The following CD70 variants were observed in gnomAD, a reference collection of about 807,000 sequenced individuals.
CD70 encodes the protein CD70 molecule, also known as CD70 antigen.
A neutral mutation model predicts 9.0 loss-of-function variants in CD70; 6 were observed. That is an observed-to-expected ratio of 0.67 (90% CI 0.37 to 1.32). The LOEUF is 1.32. CD70 is among the 40% of genes most tolerant of loss of function. The probability of loss-of-function intolerance (pLI) is 0.02; values close to 1 mark genes in which losing one functional copy is unlikely to be tolerated. For synonymous variants in CD70, 108 were observed against 112.3 expected, an observed-to-expected ratio of 0.96 and a Z score of 0.24; for missense variants, 235 against 258.7, an observed-to-expected ratio of 0.91 and a Z score of 0.63.
chr19:6,586,362 T>G lies in CD70; in HGVS notation c.240A>C (p.Ala80=), dbSNP rs1173152171. 1 of 1,612,600 alleles carries G rather than the reference T, an allele frequency of 6.2e-7. No individual in the cohort carries two copies. Among genetic ancestry groups the G allele is most frequent in the Non-Finnish European group, 8.5e-7 (1 of 1,179,788 alleles). Residue 80 remains alanine, a synonymous_variant, in exon 3 of 3, where the codon GCA becomes GCC. Transcript: ENST00000245903. ...DPRLYWQGGP[A]LGRSFLHGPE... is the part of the protein sequence containing the mutation. ...GTCCATGCAGGAAGGAGCGGCCCAG[T>G]GCTGGGCCCCCCTGCCAGTATAGCC...
chr19:6,583,419 A>G (rs1237705740), downstream of CD70: 4 of 694,018 alleles, frequency 5.8e-6, no homozygotes, highest in Non-Finnish European at 1.1e-5. Context: ...TGTGCAGTCC[A>G]TATTAAATGC....
At chr19:6,582,497 C>T (rs1374123846), downstream of CD70, among the ~76,000 whole-genome samples, 1 of 150,236 alleles carries the variant, frequency 6.7e-6, no homozygotes, top group African/African-American at 2.5e-5. Flanking sequence ...TAATGCTATC[C>T]CTCCCCCCCT....
Position 6,591,090 on chromosome 19 carries a change from T to A in CD70, c.-88A>T. ...AGGAAGGAAGGAAACTGCAGCCCCC[T>A]CCCGGGGCTCCTGGGCGTCTACTTG... On this transcript the variant is annotated 5_prime_UTR_variant, in exon 1 of 3. Transcript: ENST00000245903. 1 of 1,355,100 alleles carries A rather than the reference T, an allele frequency of 7.4e-7. No individual in the cohort carries two copies. The highest frequency in any genetic ancestry group is 9.8e-7 in the Non-Finnish European group (1 of 1,016,958). The allele number at this position is 1,355,100 out of a possible 1,614,324, so 83.9% of individuals were successfully genotyped here.
chr19:6,582,455 A>G (rs1915936956), downstream of CD70, among the ~76,000 whole-genome samples: 1 of 149,884 alleles, frequency 6.7e-6, no homozygotes, highest in Non-Finnish European at 1.5e-5. Flanking sequence ...TACTGCACCC[A>G]TTAATTTGTC....
downstream of CD70, among the ~76,000 whole-genome samples, chr19:6,582,256 G>A (rs71225428): frequency 0.34 from 51,229 of 149,856 alleles, 10,166 homozygotes; most frequent in Non-Finnish European, 0.45. Flanking sequence ...GGCTGGTCTC[G>A]AACTCTTCAG....
chr19:6,582,653 G>A (rs1383735727), downstream of CD70, among the ~76,000 whole-genome samples: 1 of 151,992 alleles, frequency 6.6e-6, no homozygotes, highest in Non-Finnish European at 1.5e-5. Flanking sequence ...TCAGAATGAT[G>A]GTTTCCAGCT....
intron 2 of CD70, among the ~76,000 whole-genome samples, chr19:6,587,264 G>A (rs1009127000): frequency 6.7e-6 from 1 of 149,118 alleles, no homozygotes; most frequent in Non-Finnish European, 1.5e-5. Flanking sequence ...GTGCACGAGA[G>A]AGTGAGAGAG....
In CD70 at chr19:6,586,087, G is replaced by T. The variant is rs1916008359; in HGVS notation, c.515C>A (p.Thr172Asn). 3 of 1,614,120 alleles carry T rather than the reference G, an allele frequency of 1.9e-6. No individual in the cohort carries two copies. Among genetic ancestry groups the T allele is most frequent in the Non-Finnish European group, 2.5e-6 (3 of 1,179,952 alleles). Residue 172 changes from threonine (T) to asparagine (N), a missense_variant, in exon 3 of 3, where the codon ACT becomes AAT. By Grantham distance (65) the Thr-to-Asn change is moderately conservative. Transcript: ENST00000245903. The stretch of plus-strand genomic sequence containing the variant: ...GTTTCGGGAAGGCAAAAGTGTCCCA[G>T]TGAGGTTGGTGCAGAGTGTGTCCCC... ...ARGDTLCTNL[T>N]GTLLPSRNTD...
At chr19:6,584,751 A>G (rs969545360), downstream of CD70, among the ~76,000 whole-genome samples, 1 of 149,332 alleles carries the variant, frequency 6.7e-6, no homozygotes, top group African/African-American at 2.5e-5. Context: ...TGGCGGTCCT[A>G]GCTATTTGGG....
chr19:6,591,037 GC>G lies in CD70; in HGVS notation c.-36del, dbSNP rs1489641463. ...GATCACCTCCGCTAGCGCAGGAGGG[GC>G]GATGGGGGCGCGGAGCGCTGCCGAG... On this transcript the variant is annotated 5_prime_UTR_variant, in exon 1 of 3. Coordinates refer to ENST00000245903, the MANE Select transcript of CD70 (RefSeq NM_001252.5). The G allele has an allele frequency of 6.4e-7, 1 of 1,554,976 alleles. No homozygotes were observed. Among genetic ancestry groups the G allele is most frequent in the African/African-American group, 1.4e-5 (1 of 72,760 alleles).
At chr19:6,582,238 A>C (rs1241314202), downstream of CD70, among the ~76,000 whole-genome samples, 1 of 149,872 alleles carries the variant, frequency 6.7e-6, no homozygotes, top group African/African-American at 2.5e-5. Flanking sequence ...GTTTCACCAT[A>C]TTGCCCAGGC....
Position 6,590,015 on chromosome 19 carries a change from C to A in CD70, c.196+88G>T. The A allele has an allele frequency of 9.5e-7, 1 of 1,051,542 alleles. No individual in the cohort carries two copies. Among genetic ancestry groups the A allele is most frequent in the South Asian group, 1.3e-5 (1 of 74,436 alleles). The allele number at this position is 1,051,542 out of a possible 1,614,324, so 65.1% of individuals were successfully genotyped here. On this transcript the variant is annotated intron_variant, in intron 2 of 2. Coordinates refer to ENST00000245903, the MANE Select transcript of CD70 (RefSeq NM_001252.5). The surrounding 1 kb of genome is among the most constrained non-coding windows in gnomAD (Gnocchi z 5.3). ...CGTCTCTGTCTGTGTCTCTTTCTCT[C>A]TGTCTCTCCCCACTTGTCTTTCTAC...
rs374195856 is a variant in CD70, at chr19:6,586,066, C to T, written c.536G>A (p.Arg179Gln). 61 of 1,613,914 alleles carry T rather than the reference C, an allele frequency of 3.8e-5. No homozygotes were observed. In the South Asian group the frequency reaches 4.6e-4, roughly 12 times the overall value. Reference protein sequence around the residue: ...TNLTGTLLPSRNTDETFFGVQ... With the variant: ...TNLTGTLLPSQNTDETFFGVQ... ...TCCAAAGAAGGTCTCATCAGTGTTTCGGGAAGGCAAAAGTGTCCCAGTGAG... is the reference window on the plus strand; with the variant it reads ...TCCAAAGAAGGTCTCATCAGTGTTTTGGGAAGGCAAAAGTGTCCCAGTGAG... The change falls in exon 3 of 3, where the codon CGA (arginine) becomes CAA (glutamine). Residue 179 changes from arginine (R) to glutamine (Q), a missense_variant. Arg to Gln is a conservative substitution (Grantham distance 43). Transcript: ENST00000245903.
At position 6,586,065 on chromosome 19, in the gene CD70, T is replaced by C. The variant is rs764308905; in HGVS notation, c.537A>G (p.Arg179=). The change falls in exon 3 of 3, where the codon CGA becomes CGG. Residue 179 remains arginine (R), a synonymous_variant. Transcript: ENST00000245903. ...CTCCAAAGAAGGTCTCATCAGTGTT[T>C]CGGGAAGGCAAAAGTGTCCCAGTGA... ...TNLTGTLLPS[R]NTDETFFGVQ... 2 of 1,614,078 alleles carry C rather than the reference T, an allele frequency of 1.2e-6. No homozygotes were observed. Among genetic ancestry groups the C allele is most frequent in the Non-Finnish European group, 1.7e-6 (2 of 1,179,954 alleles).
In CD70 at chr19:6,590,689, G is replaced by C. The variant is rs1264762870; in HGVS notation, c.162+152C>G. On this transcript the variant is annotated intron_variant, in intron 1 of 2. Transcript: ENST00000245903. The surrounding 1 kb of genome is among the most constrained non-coding windows in gnomAD (Gnocchi z 5.3). ...CTGCCTGTCTCGTAGCCCCTACACC[G>C]GGCAGCCTGGTCCCCGCCTCGCCTC... 1.5e-5 allele frequency: 10 copies of C among 666,482 alleles called. No individual in the cohort carries two copies. The highest frequency in any genetic ancestry group is 5.5e-5 in the African/African-American group (3 of 55,036). The allele number at this position is 666,482 out of a possible 1,614,324, so 41.3% of individuals were successfully genotyped here. A position where few individuals can be genotyped will look rare whatever the true frequency, so the allele number is the denominator to read the frequency against.
chr19:6,588,453 CATTACAAAATGGAAGGA>C (rs1400969538), intron 2 of CD70, among the ~76,000 whole-genome samples: 1 of 152,180 alleles, frequency 6.6e-6, no homozygotes, highest in Non-Finnish European at 1.5e-5. Flanking sequence ...AGGTCCCTTC[CATTACAAAATGGAAGGA>C]ACAAAACACG....
Position 6,591,127 on chromosome 19 carries a change from C to G in CD70, c.-125G>C. On this transcript the variant is annotated 5_prime_UTR_variant, in exon 1 of 3. Transcript: ENST00000245903. ...TGGGCGTCTACTTGCTTCAACCTGT[C>G]AGGGGACCAGCCTGCCCCTCTCTGG... The G allele has an allele frequency of 9.6e-7, 1 of 1,044,270 alleles. No homozygotes were observed. Among genetic ancestry groups the G allele is most frequent in the Non-Finnish European group, 1.3e-6 (1 of 749,780 alleles). 64.7% of individuals were successfully genotyped at this position (1,044,270 alleles called of 1,614,324 possible). A position where few individuals can be genotyped will look rare whatever the true frequency, so the allele number is the denominator to read the frequency against.
At chr19:6,585,818 A>G (rs1440677170), downstream of CD70, 14 of 519,602 alleles carry the variant, frequency 2.7e-5, no homozygotes, top group Non-Finnish European at 4.4e-5. Context: ...GGGATTACAG[A>G]TGCACGCCAC....
At position 6,586,247 on chromosome 19, in the gene CD70, T is replaced by A; in HGVS notation, c.355A>T (p.Thr119Ser). Residue 119 changes from threonine (T) to serine (S), a missense_variant, in exon 3 of 3, where the codon ACG becomes TCG. Coordinates refer to ENST00000245903, the MANE Select transcript of CD70 (RefSeq NM_001252.5). ...GTGGTGGGGTGGTGCCTGGAGGCCG[T>A]CGTGGAGGAGCAGATGGCCAGCGTC... ...QVTLAICSST[T>S]ASRHHPTTLA... 1 of 1,613,842 alleles carries A rather than the reference T, an allele frequency of 6.2e-7. No individual in the cohort carries two copies. Among genetic ancestry groups the A allele is most frequent in the South Asian group, 1.1e-5 (1 of 91,072 alleles).
Sources: allele counts gnomAD v4.1 joint callset (sites outside exome capture counted in the v4.1 genomes callset), GRCh38; gene constraint gnomAD v4.1.1; non-coding constraint Gnocchi (gnomAD v3.1); transcripts MANE v1.5; gene names NCBI Gene and HGNC (gene_info 2026-07-23, HGNC 2026-07-21).